ZNF76: variants seen among roughly 807,000 people sequenced by gnomAD.
The protein encoded by ZNF76 is zinc finger protein 76.
Under a neutral mutation model 66.9 loss-of-function variants are expected in ZNF76, and 66 were observed. The observed-to-expected ratio is 0.99, with a 90% confidence interval of 0.81 to 1.21. The LOEUF (loss-of-function observed/expected upper bound fraction) is 1.21. ZNF76 is among the 50% of genes most tolerant of loss of function. The pLI is 0.00. For missense variants in ZNF76, 729 were observed against 760.3 expected (o/e 0.96, Z 0.48); for synonymous variants, 275 against 296.1 (o/e 0.93, Z 0.73).
intron 1 of ZNF76, among the ~76,000 whole-genome samples, chr6:35,269,099 G>A (rs545818342): frequency 6.6e-6 from 1 of 151,806 alleles, no homozygotes; most frequent in East Asian, 1.9e-4. Context: ...TGGCAAACAT[G>A]GTAAAACCCC....
At position 35,292,923 on chromosome 6, in the gene ZNF76, G is replaced by A. The variant is rs35582935; in HGVS notation, c.1208G>A (p.Arg403Gln). ...GAGAGTCCGCCACCCAAACGACCCC[G>A]GATAGCTTACCTTTCGGAGGTGAAG... is the stretch of plus-strand genomic sequence containing the variant. ...AEESPPPKRP[R>Q]IAYLSEVKEE... Residue 403 changes from arginine (R) to glutamine (Q), a missense_variant, in exon 11 of 14, where the codon CGG becomes CAG. By Grantham distance (43) the Arg-to-Gln change is conservative (BLOSUM62 1). Coordinates refer to ENST00000373953, the MANE Select transcript of ZNF76 (RefSeq NM_003427.5). This position sits in a 1 kb window ranked among gnomAD's most constrained non-coding sequence, Gnocchi z 4.7. The A allele has an allele frequency of 6.4e-3, 10,253 of 1,614,118 alleles. 136 individuals are homozygous for A. The highest frequency in any genetic ancestry group is 0.048 in the African/African-American group (3,613 of 75,028).
intron 1 of ZNF76, among the ~76,000 whole-genome samples, chr6:35,280,517 C>A (rs77101185): frequency 4.7e-3 from 33 of 6,978 alleles, no homozygotes; most frequent in Admixed American, 0.012. Context: ...CAAGCATGAT[C>A]CCCCCCCCCC....
In ZNF76 at chr6:35,292,559, A is replaced by T. The variant is rs760077489; in HGVS notation, c.937A>T (p.Lys313Ter). 1 of 1,612,962 alleles carries T rather than the reference A, an allele frequency of 6.2e-7. No homozygotes were observed. The highest frequency in any genetic ancestry group is 1.7e-5 in the Admixed American group (1 of 59,986). The change falls in exon 10 of 14, where the codon AAG becomes TAG. Residue 313 changes from lysine (K) to a stop codon, truncating the protein, a stop_gained. Coordinates refer to ENST00000373953, the MANE Select transcript of ZNF76 (RefSeq NM_003427.5). LOFTEE classifies it high-confidence loss of function. This position sits in a 1 kb window ranked among gnomAD's most constrained non-coding sequence, Gnocchi z 4.7. ...KNHVRIHTGEKPYVCTVPGCG... is the reference protein window; with the variant it reads ...KNHVRIHTGE ...TCACAGCCCAGTGTCCCCAGGGGAG[A>T]AGCCATACGTTTGCACGGTGCCAGG...
chr6:35,288,226 T>C, intron 5 of ZNF76: 1 of 441,396 alleles, frequency 2.3e-6, no homozygotes, highest in Non-Finnish European at 4.5e-6. Flanking sequence ...CAGTGACTTG[T>C]ATTAGCTTTC....
rs1239655387 is a variant in ZNF76 at position 35,281,227 on chromosome 6, A to G, written c.73+3A>G. On this transcript the variant is annotated splice_donor_region_variant and intron_variant, in intron 2 of 13. Transcript: ENST00000373953. ...CTACGTCCAGCAAGCTGTCAAAGGT[A>G]AGTATTTCTGGGGACCTCAGGATCC... 1.2e-6 allele frequency: 2 copies of G among 1,613,348 alleles called. No individual in the cohort carries two copies. Among genetic ancestry groups the G allele is most frequent in the Non-Finnish European group, 8.5e-7 (1 of 1,179,890 alleles).
chr6:35,289,944 C>T (rs752511579), intron 5 of ZNF76, among the ~76,000 whole-genome samples: 2 of 152,170 alleles, frequency 1.3e-5, no homozygotes, highest in Non-Finnish European at 2.9e-5. Context: ...CCAGTTCAAG[C>T]ATGGCCATTC....
chr6:35,294,657 A>G (rs979850004), intron 13 of ZNF76, 88 bp downstream of exon 13: 4 of 946,154 alleles, frequency 4.2e-6, no homozygotes, highest in Non-Finnish European at 6.8e-6. Context: ...TCTTGAAGAG[A>G]AGGGCATCTG....
At chr6:35,275,694 G>A (rs952621548) in intron 1 of ZNF76, among the ~76,000 whole-genome samples, 1 of 152,210 alleles carries the variant, frequency 6.6e-6, no homozygotes, top group Non-Finnish European at 1.5e-5. Context: ...TTTGTATTAC[G>A]AGACTTAGGA....
chr6:35,294,987 G>C, intron 13 of ZNF76, 157 bp from the exon 14 acceptor site: 2 of 619,100 alleles, frequency 3.2e-6, no homozygotes, highest in Non-Finnish European at 5.7e-6. Flanking sequence ...CTTCATCCGT[G>C]AACTTCATGT....
At chr6:35,278,687 C>T (rs575424775) in intron 1 of ZNF76, among the ~76,000 whole-genome samples, 2 of 152,372 alleles carry the variant, frequency 1.3e-5, no homozygotes, top group South Asian at 4.1e-4. Flanking sequence ...AGAGAGTCTT[C>T]ACGACTGCAC....
chr6:35,281,340 C>T (rs1788744236), intron 2 of ZNF76, 116 bp downstream of exon 2: 3 of 903,298 alleles, frequency 3.3e-6, no homozygotes, highest in Admixed American at 1.9e-5. Context: ...CCCTTGCCCA[C>T]CACCACAATT....
chr6:35,261,850 AACTTGGTG>A (rs1785301512), intron 1 of ZNF76, among the ~76,000 whole-genome samples: 1 of 152,118 alleles, frequency 6.6e-6, no homozygotes, highest in Admixed American at 6.5e-5. Flanking sequence ...TTTGCCATGT[AACTTGGTG>A]ACTTTCTCAT....
chr6:35,281,146 T>TG lies in ZNF76; in HGVS notation c.-6_-5insG, dbSNP rs1788713603. The TG allele has an allele frequency of 6.2e-7, 1 of 1,613,908 alleles. No individual in the cohort carries two copies. Among genetic ancestry groups the TG allele is most frequent in the African/African-American group, 1.3e-5 (1 of 74,908 alleles). ...TCATGTCTGAGTGCACGAGCAGCAGTTTGCCATGGAGAGCTTGGGGCTGCA... is the reference window on the plus strand; with the variant it reads ...TCATGTCTGAGTGCACGAGCAGCAGTGTTGCCATGGAGAGCTTGGGGCTGCA... On this transcript the variant is annotated 5_prime_UTR_variant, in exon 2 of 14. Transcript: ENST00000373953.
At position 35,291,636 on chromosome 6, in the gene ZNF76, G is replaced by T; in HGVS notation, c.830G>T (p.Arg277Leu). ...TTSNIRKVHV[R>L]THTGERPYTC... ...TCTAACATCCGCAAGGTACATGTGC[G>T]CACCCACACAGGCGAGAGGCCCTAC... Residue 277 changes from arginine (R) to leucine (L), a missense_variant, in exon 9 of 14, where the codon CGC becomes CTC. By Grantham distance (102) the Arg-to-Leu change is moderately radical. Coordinates refer to ENST00000373953, the MANE Select transcript of ZNF76 (RefSeq NM_003427.5). 2 of 1,614,044 alleles carry T rather than the reference G, an allele frequency of 1.2e-6. No individual in the cohort carries two copies. The highest frequency in any genetic ancestry group is 1.7e-6 in the Non-Finnish European group (2 of 1,179,982).
chr6:35,294,116 C>T, intron 12 of ZNF76: 1 of 640,448 alleles, frequency 1.6e-6, no homozygotes. Context: ...GAGACACTTT[C>T]TAAATCTCAA....
At chr6:35,276,798 T>TG (rs1787959743) in intron 1 of ZNF76, among the ~76,000 whole-genome samples, 1 of 145,474 alleles carries the variant, frequency 6.9e-6, no homozygotes, top group Non-Finnish European at 1.5e-5. Context: ...TGGGTTTTTT[T>TG]TTTTTTTTTT....
rs530855597 is a variant in ZNF76 at position 35,276,090 on chromosome 6, G to A, written c.-96-4966G>A. Among the ~76,000 whole-genome samples the A allele has an allele frequency of 3.9e-5, 6 of 152,270 alleles. No individual in the cohort carries two copies. The South Asian group carries it at 1.2e-3, about 32-fold the overall frequency. Reference sequence around the variant, plus strand: ...GCCTCAGTTGCCTCATCTGTAAAATGGGTATAATATACCTACTTCCTCATC... The same window carrying A: ...GCCTCAGTTGCCTCATCTGTAAAATAGGTATAATATACCTACTTCCTCATC... On this transcript the variant is annotated intron_variant, in intron 1 of 13. Transcript: ENST00000373953.
At chr6:35,281,818 C>T (rs1428289257) in intron 2 of ZNF76, among the ~76,000 whole-genome samples, 5 of 151,796 alleles carry the variant, frequency 3.3e-5, no homozygotes, top group African/African-American at 9.7e-5. Flanking sequence ...CACCTTTAGT[C>T]CCAGCTATTC....
At chr6:35,289,756 A>G (rs1020565210) in intron 5 of ZNF76, among the ~76,000 whole-genome samples, 1 of 152,174 alleles carries the variant, frequency 6.6e-6, no homozygotes, top group African/African-American at 2.4e-5. Context: ...CTGGGCCCCA[A>G]GTCCTATCAG....
Sources: gnomAD v4.1 joint callset for allele counts (sites outside exome capture counted in the v4.1 genomes callset) on GRCh38, gnomAD v4.1.1 for gene constraint, Gnocchi (gnomAD v3.1) non-coding constraint, MANE v1.5 for transcripts, NCBI Gene and HGNC (gene_info 2026-07-23, HGNC 2026-07-21) for gene names.